NLGN1: variants seen among roughly 807,000 people sequenced by gnomAD.
NLGN1 encodes neuroligin-1.
A neutral mutation model predicts 65.5 loss-of-function variants in NLGN1; 12 were observed. The ratio of observed to expected loss-of-function variants is 0.18; its 90% confidence interval spans 0.12 to 0.30. The LOEUF (loss-of-function observed/expected upper bound fraction) is 0.30. Among genes scored for constraint, NLGN1 ranks in the 10% least tolerant of loss-of-function variants. The pLI is 1.00. For missense variants in NLGN1, 750 were observed against 1,007.1 expected, an observed-to-expected ratio of 0.74 and a Z score of 3.46; for synonymous variants, 350 against 359.5, an observed-to-expected ratio of 0.97 and a Z score of 0.30.
At chr3:173,742,131 C>A (rs35808219) in intron 3 of NLGN1, among the ~76,000 whole-genome samples, 9,601 of 152,170 alleles carry the variant, frequency 0.063, 427 homozygotes, top group Non-Finnish European at 0.099. Context: ...TTCTCCTTCT[C>A]TCCAAGGATA....
At chr3:173,943,489 A>G (rs1001393467) in intron 4 of NLGN1, among the ~76,000 whole-genome samples, 2 of 152,162 alleles carry the variant, frequency 1.3e-5, no homozygotes, top group African/African-American at 2.4e-5. Context: ...ATGAAAGTAC[A>G]TGCACAGTGA....
At chr3:173,502,417 G>T (rs1731288821) in intron 2 of NLGN1, among the ~76,000 whole-genome samples, 1 of 152,094 alleles carries the variant, frequency 6.6e-6, no homozygotes, top group South Asian at 2.1e-4. Flanking sequence ...TTTGAGGTTT[G>T]TGCTGTGTCA....
intron 3 of NLGN1, among the ~76,000 whole-genome samples, chr3:173,728,307 T>C (rs1772170784): frequency 6.6e-6 from 1 of 152,052 alleles, no homozygotes; most frequent in Admixed American, 6.6e-5. Flanking sequence ...TGGTAGAAGA[T>C]ATCTTACAGG....
chr3:174,074,396 G>A (rs1580149173), intron 4 of NLGN1, among the ~76,000 whole-genome samples: 2 of 152,238 alleles, frequency 1.3e-5, no homozygotes, highest in Admixed American at 1.3e-4. Flanking sequence ...GTTTACTTTA[G>A]TAGAAGCATA....
intron 3 of NLGN1, among the ~76,000 whole-genome samples, chr3:173,784,096 A>T (rs1386624726): frequency 6.6e-6 from 1 of 152,198 alleles, no homozygotes; most frequent in Admixed American, 6.5e-5. Context: ...AGCACTGATT[A>T]TGTGCCAGGT....
At chr3:173,508,564 G>A (rs1459151980) in intron 2 of NLGN1, among the ~76,000 whole-genome samples, 1 of 152,124 alleles carries the variant, frequency 6.6e-6, no homozygotes. Context: ...TGGGGTAGAG[G>A]TACGTGACTC....
intron 3 of NLGN1, among the ~76,000 whole-genome samples, chr3:173,705,902 G>C (rs1767975264): frequency 6.6e-6 from 1 of 152,082 alleles, no homozygotes; most frequent in African/African-American, 2.4e-5. Flanking sequence ...GTCTTTGAAA[G>C]ATCAAATACA....
intron 3 of NLGN1, among the ~76,000 whole-genome samples, chr3:173,744,974 C>T (rs886922632): frequency 1.8e-4 from 27 of 152,032 alleles, no homozygotes; most frequent in Admixed American, 1.4e-3. Flanking sequence ...GTTAATAGAC[C>T]GCCTATCTTT....
chr3:173,465,128 A>C (rs1374631999), intron 2 of NLGN1, among the ~76,000 whole-genome samples: 3 of 152,232 alleles, frequency 2.0e-5, no homozygotes, highest in African/African-American at 7.2e-5. Flanking sequence ...CAAAGTTATC[A>C]GTACATAATT....
intron 3 of NLGN1, among the ~76,000 whole-genome samples, chr3:173,736,469 A>T (rs1485764146): frequency 1.3e-5 from 2 of 152,068 alleles, no homozygotes; most frequent in East Asian, 3.9e-4. Flanking sequence ...ATATCAAAAA[A>T]AATGGAGGGG....
At chr3:173,821,659 A>G (rs990365818) in intron 4 of NLGN1, among the ~76,000 whole-genome samples, 4 of 152,062 alleles carry the variant, frequency 2.6e-5, no homozygotes, top group African/African-American at 9.7e-5. Context: ...ATAGTCTACA[A>G]TTCATATTTG....
At chr3:173,864,591 A>G (rs1371242268) in intron 4 of NLGN1, among the ~76,000 whole-genome samples, 2 of 152,136 alleles carry the variant, frequency 1.3e-5, no homozygotes, top group Non-Finnish European at 2.9e-5. Context: ...AACATTCTTA[A>G]TTTTGCTATT....
intron 4 of NLGN1, among the ~76,000 whole-genome samples, chr3:174,241,460 C>T (rs1429586070): frequency 4.0e-5 from 6 of 151,476 alleles, no homozygotes; most frequent in Non-Finnish European, 8.8e-5. Context: ...TTCTTAGAAG[C>T]CGAGTTTTCT....
At chr3:174,256,941 C>T (rs183120203) in intron 4 of NLGN1, among the ~76,000 whole-genome samples, 15 of 152,070 alleles carry the variant, frequency 9.9e-5, no homozygotes, top group Admixed American at 8.5e-4. Context: ...AGATTCTGCA[C>T]AGTAAAGAAA....
In NLGN1 at chr3:173,466,828, C is replaced by T. The variant is rs1023223635; in HGVS notation, c.-321+31750C>T. ...GTAATACACCTCACTTACCTAACGT[C>T]TTCAGGGAATGAGCTGTTTCATTTA... On this transcript the variant is annotated intron_variant, in intron 2 of 6. Transcript: ENST00000457714. 5.3e-5 allele frequency among the ~76,000 whole-genome samples: 8 copies of T among 152,262 alleles called. No homozygotes were observed. In the East Asian group the frequency reaches 1.2e-3, roughly 22 times the overall value.
At chr3:173,539,723 TGCAC>T (rs1738338540) in intron 2 of NLGN1, among the ~76,000 whole-genome samples, 2 of 126,870 alleles carry the variant, frequency 1.6e-5, no homozygotes, top group South Asian at 2.3e-4. Flanking sequence ...TATGTACATA[TGCAC>T]ATATATACAT....
chr3:173,742,342 A>C (rs571500339), intron 3 of NLGN1, among the ~76,000 whole-genome samples: 31 of 152,078 alleles, frequency 2.0e-4, no homozygotes, highest in Admixed American at 4.6e-4. Context: ...AAATATGTAA[A>C]TTTTCTGTTT....
intron 3 of NLGN1, among the ~76,000 whole-genome samples, chr3:173,690,887 G>A (rs564902941): frequency 2.6e-5 from 4 of 152,240 alleles, no homozygotes; most frequent in East Asian, 3.9e-4. Context: ...AGTTTAAACC[G>A]TTTTTGGAGT....
intron 4 of NLGN1, among the ~76,000 whole-genome samples, chr3:173,829,283 A>T (rs892402778): frequency 1.3e-5 from 2 of 152,164 alleles, no homozygotes; most frequent in African/African-American, 4.8e-5. Flanking sequence ...TTAAGTATCA[A>T]ACTGGAGTTA....
Sources: allele counts gnomAD v4.1 joint callset (sites outside exome capture counted in the v4.1 genomes callset), GRCh38; gene constraint gnomAD v4.1.1; transcripts MANE v1.5; gene names NCBI Gene and HGNC (gene_info 2026-07-23, HGNC 2026-07-21).